MYH4: variants seen among roughly 807,000 people sequenced by gnomAD.
MYH4 encodes myosin-4.
A neutral mutation model predicts 229.9 loss-of-function variants in MYH4; 200 were observed. The observed-to-expected ratio is 0.87, with a 90% CI of 0.78 to 0.98. MYH4 has a LOEUF of 0.98. Ranked by LOEUF, MYH4 falls within the 50% of genes least tolerant of loss-of-function variation. The pLI, the probability that MYH4 is intolerant of heterozygous loss-of-function variation, is 0.00. For missense variants in MYH4, 2,148 were observed against 2,332.6 expected, an observed-to-expected ratio of 0.92 and a Z score of 1.63; for synonymous variants, 761 against 834.6, an observed-to-expected ratio of 0.91 and a Z score of 1.52.
At chr17:10,459,509 C>T (rs1597421722) in intron 14 of MYH4, 88 bp from the exon 15 acceptor site, 2 of 1,598,020 alleles carry the variant, frequency 1.3e-6, no homozygotes, top group Admixed American at 3.4e-5. Flanking sequence ...GAATTTAAGG[C>T]ATTTTGGTTT....
At position 10,466,717 on chromosome 17, in the gene MYH4, A is replaced by G. The variant is rs1322027113; in HGVS notation, c.29T>C (p.Phe10Ser). ...TCGGAGGAAAGGAGCAGCCTCCCCA[A>G]AAATGGCCATCTCAGAGTCAGAACT... MSSDSEMAI[F>S]GEAAPFLRKS... The change falls in exon 3 of 40, where the codon TTT becomes TCT. Residue 10 changes from phenylalanine to serine, a missense_variant. By Grantham distance (155) the Phe-to-Ser change is radical. Transcript: ENST00000255381. 6.8e-6 allele frequency: 11 copies of G among 1,614,092 alleles called. No homozygotes were observed. The highest frequency in any genetic ancestry group is 9.3e-6 in the Non-Finnish European group (11 of 1,180,044).
At chr17:10,453,937 C>T (rs757512223) in intron 22 of MYH4, 52 bp from the exon 23 acceptor site, 2 of 1,599,716 alleles carry the variant, frequency 1.3e-6, no homozygotes, top group South Asian at 2.3e-5. Flanking sequence ...TCTATAAGCA[C>T]ACAATAATTT....
chr17:10,457,257 T>C (rs1489012014), intron 16 of MYH4, among the ~76,000 whole-genome samples, 163 bp downstream of exon 16: 1 of 152,254 alleles, frequency 6.6e-6, no homozygotes, highest in East Asian at 1.9e-4. Flanking sequence ...TGAAAGTCTG[T>C]GACTGTAAGA....
rs200404855 is a variant in MYH4 at position 10,454,875 on chromosome 17, A to G, written c.2436-65T>C. Reference sequence around the variant, plus strand: ...TGGAAAGTGATCATCACTCAACAAAAGTAATGACTGCAGTGGATTCATTTA... The same window carrying G: ...TGGAAAGTGATCATCACTCAACAAAGGTAATGACTGCAGTGGATTCATTTA... On this transcript the variant is annotated intron_variant, in intron 21 of 39. Coordinates refer to ENST00000255381, the MANE Select transcript of MYH4 (RefSeq NM_017533.2). The G allele has an allele frequency of 1.5e-3, 2,394 of 1,610,246 alleles. 3 individuals carry two copies. Among genetic ancestry groups the G allele is most frequent in the Admixed American group, 2.3e-3 (140 of 59,776 alleles).
chr17:10,460,544 C>G (rs1407688644), intron 12 of MYH4, among the ~76,000 whole-genome samples: 1 of 152,162 alleles, frequency 6.6e-6, no homozygotes, highest in African/African-American at 2.4e-5. Context: ...TCGATGCTGT[C>G]TGTGATATTT....
Position 10,463,132 on chromosome 17 carries a change from T to C in MYH4, c.862A>G (p.Ile288Val), listed in dbSNP as rs1255556125. 1.2e-5 allele frequency: 19 copies of C among 1,613,620 alleles called. No homozygotes were observed. Among genetic ancestry groups the C allele is most frequent in the Non-Finnish European group, 1.5e-5 (18 of 1,179,828 alleles). ...TTATTGGACAGGATTTGATAAAATATGTGGTAGCTTCTTTCAGCCTTTAGC... is the reference window on the plus strand; with the variant it reads ...TTATTGGACAGGATTTGATAAAATACGTGGTAGCTTCTTTCAGCCTTTAGC... ...FQLKAERSYHIFYQILSNKKP... is the reference protein window; with the variant it reads ...FQLKAERSYHVFYQILSNKKP... The change falls in exon 10 of 40, where the codon ATA becomes GTA. Residue 288 changes from isoleucine to valine, a missense_variant. Transcript: ENST00000255381.
At chr17:10,449,159 G>C (rs2072545957) in intron 30 of MYH4, 112 bp from the exon 31 acceptor site, 2 of 901,100 alleles carry the variant, frequency 2.2e-6, no homozygotes, top group South Asian at 1.8e-5. Flanking sequence ...TCTACAAGTT[G>C]TTGAATTTTT....
At chr17:10,455,447 G>T in intron 19 of MYH4, 152 bp from the exon 20 acceptor site, 1 of 1,297,824 alleles carries the variant, frequency 7.7e-7, no homozygotes, top group Non-Finnish European at 1.1e-6. Context: ...AACTTCGGAA[G>T]ATATGATGAA....
rs190456332 is a variant in MYH4, at chr17:10,445,945, G to A, written c.5170-583C>T. On this transcript the variant is annotated intron_variant, in intron 35 of 39. Transcript: ENST00000255381. ...CGGGAGGCTGAGGCAGGAGAATGGC[G>A]TGAACATGGGAGTCGGAGCTTGCTG... 3.5e-3 allele frequency among the ~76,000 whole-genome samples: 516 copies of A among 147,974 alleles called. 4 individuals carry two copies. Among genetic ancestry groups the A allele is most frequent in the Middle Eastern group, 0.029 (8 of 280 alleles).
intron 14 of MYH4, among the ~76,000 whole-genome samples, chr17:10,459,630 G>A (rs920436343): frequency 7.2e-5 from 11 of 151,896 alleles, no homozygotes; most frequent in African/African-American, 2.7e-4. Flanking sequence ...ATGCATACTA[G>A]GCAAAATACT....
At chr17:10,466,935 G>T (rs1186470151) in intron 2 of MYH4, among the ~76,000 whole-genome samples, 151 bp from the exon 3 acceptor site, 1 of 152,148 alleles carries the variant, frequency 6.6e-6, no homozygotes, top group Non-Finnish European at 1.5e-5. Flanking sequence ...GGAGCTGAGA[G>T]ATCAGCTCAT....
At chr17:10,466,888 C>G in intron 2 of MYH4, 104 bp from the exon 3 acceptor site, 1 of 1,067,664 alleles carries the variant, frequency 9.4e-7, no homozygotes. Context: ...GTTTCCTCAC[C>G]CCTGCCTTTA....
Position 10,443,300 on chromosome 17 carries a change from T to G in MYH4, c.*75A>C. 14 of 1,454,328 alleles carry G rather than the reference T, an allele frequency of 9.6e-6. No homozygotes were observed. Among genetic ancestry groups the G allele is most frequent in the African/African-American group, 1.4e-5 (1 of 70,848 alleles). The allele number at this position is 1,454,328 out of a possible 1,614,324, so 90.1% of individuals were successfully genotyped here. On this transcript the variant is annotated 3_prime_UTR_variant, in exon 40 of 40. Coordinates refer to ENST00000255381, the MANE Select transcript of MYH4 (RefSeq NM_017533.2). This position sits in a 1 kb window ranked among gnomAD's most constrained non-coding sequence, Gnocchi z 4.6. ...AAATTATCTAAAGATTTTATTTCCT[T>G]GATATACAGGACAGTGACAAAGAAC...
intron 11 of MYH4, 145 bp downstream of exon 11, chr17:10,462,720 A>G (rs1597423217): frequency 1.8e-6 from 1 of 566,772 alleles, no homozygotes; most frequent in Non-Finnish European, 3.0e-6. Context: ...GAAATATCCT[A>G]CAATTTTTTT....
intron 20 of MYH4, 22 bp downstream of exon 20, chr17:10,455,150 T>C (rs2072624683): frequency 1.2e-6 from 2 of 1,614,028 alleles, no homozygotes; most frequent in African/African-American, 1.3e-5. Context: ...TTATGACAGA[T>C]AGAAATTTGG....
chr17:10,443,284 A>C, downstream of MYH4: 20 of 1,376,424 alleles, frequency 1.5e-5, no homozygotes, highest in Non-Finnish European at 1.9e-5. The surrounding 1 kb of genome is among the most constrained non-coding windows in gnomAD (Gnocchi z 4.6). Context: ...AAAATTATCT[A>C]AAGATTTTAT....
At position 10,454,830 on chromosome 17, in the gene MYH4, G is replaced by T; in HGVS notation, c.2436-20C>A. The stretch of plus-strand genomic sequence containing the variant: ...GACTCTCTGTAGGAAAAGAAAAAAA[G>T]ATGCAAATGGAGAATAATGTGGAAA... On this transcript the variant is annotated intron_variant, in intron 21 of 39. Coordinates refer to ENST00000255381, the MANE Select transcript of MYH4 (RefSeq NM_017533.2). The T allele has an allele frequency of 6.2e-7, 1 of 1,611,036 alleles. No homozygotes were observed. The highest frequency in any genetic ancestry group is 8.5e-7 in the Non-Finnish European group (1 of 1,178,258).
chr17:10,448,891 G>A lies in MYH4; in HGVS notation c.4338C>T (p.Leu1446=), dbSNP rs754934133. The A allele has an allele frequency of 6.2e-6, 10 of 1,613,978 alleles. No homozygotes were observed. Among genetic ancestry groups the A allele is most frequent in the African/African-American group, 5.3e-5 (4 of 74,922 alleles). Residue 1446 remains leucine (L), a synonymous_variant, in exon 31 of 40, where the codon CTC becomes CTT. Transcript: ENST00000255381. ...TGTCAAAGTTTCTTTGCTTCTTATC[G>A]AGAGCTATGCAGGCAGCATTAGATC... The part of the protein sequence containing the change: ...VERSNAACIA[L]DKKQRNFDKV...
At chr17:10,454,498 C>A in intron 22 of MYH4, 57 bp downstream of exon 22, 3 of 1,568,246 alleles carry the variant, frequency 1.9e-6, no homozygotes, top group South Asian at 1.2e-5. Context: ...GGAAACCATT[C>A]ATTTTAAAAC....
Sources: allele counts gnomAD v4.1 joint callset (sites outside exome capture counted in the v4.1 genomes callset), GRCh38; gene constraint gnomAD v4.1.1; non-coding constraint Gnocchi (gnomAD v3.1); transcripts MANE v1.5; gene names NCBI Gene and HGNC (gene_info 2026-07-23, HGNC 2026-07-21).